The following ELAVL1 variants were observed in gnomAD, a reference collection of about 807,000 sequenced individuals.
The protein encoded by ELAVL1 is ELAV like RNA binding protein 1, also known as ELAV-like protein 1.
In ELAVL1, 1 loss-of-function variant was observed where a neutral mutation model predicts 28.4. That is an observed-to-expected ratio of 0.04 (90% CI 0.01 to 0.17). The LOEUF (loss-of-function observed/expected upper bound fraction) is 0.17, where lower values mean the gene tolerates loss of function less well. ELAVL1 is among the 10% of genes least tolerant of loss of function. The pLI is 1.00. For missense variants in ELAVL1, 157 were observed against 447.2 expected (o/e 0.35, Z 5.85); for synonymous variants, 174 against 183.5 (o/e 0.95, Z 0.42).
intron 3 of ELAVL1, among the ~76,000 whole-genome samples, chr19:7,974,427 A>C (rs974683537): frequency 6.6e-6 from 1 of 152,238 alleles, no homozygotes; most frequent in African/African-American, 2.4e-5. Flanking sequence ...TATTTTGCAA[A>C]ATCAAAGAAA....
intron 4 of ELAVL1, among the ~76,000 whole-genome samples, chr19:7,969,768 G>A (rs1372847800): frequency 6.6e-6 from 1 of 152,110 alleles, no homozygotes; most frequent in Non-Finnish European, 1.5e-5. Flanking sequence ...GAAGGCACGT[G>A]TGCAAGTGTG....
rs1389031765 is a variant in ELAVL1, at chr19:7,959,790, CCT to C, written c.*3691_*3692del. 3.9e-5 allele frequency: 6 copies of C among 152,176 alleles called. No individual in the cohort carries two copies. In the East Asian group the frequency reaches 7.7e-4, roughly 20 times the overall value. The allele number at this position is 152,176 out of a possible 1,614,324, so 9.4% of individuals were successfully genotyped here. On this transcript the variant is annotated 3_prime_UTR_variant, in exon 6 of 6. Transcript: ENST00000407627. ...CTTGCGAAGTTTGGGGACAGGAACC[CCT>C]GACCCCCAGAGTCAGCTAAACCCCA...
intron 2 of ELAVL1, among the ~76,000 whole-genome samples, chr19:7,983,135 C>G (rs1201970904): frequency 1.3e-5 from 2 of 152,192 alleles, no homozygotes; most frequent in Admixed American, 1.3e-4. Context: ...ATGGGGCGCT[C>G]TCTTTCCTAA....
intron 1 of ELAVL1, among the ~76,000 whole-genome samples, chr19:7,992,831 G>A (rs920961475): frequency 6.6e-6 from 1 of 152,168 alleles, no homozygotes; most frequent in African/African-American, 2.4e-5. Context: ...GGGTGTGGCG[G>A]CGCCATCACA....
intron 1 of ELAVL1, among the ~76,000 whole-genome samples, chr19:8,001,626 TA>T (rs1218181799): frequency 1.4e-5 from 2 of 145,244 alleles, no homozygotes; most frequent in Non-Finnish European, 3.1e-5. Context: ...GTCTCACTCT[TA>T]AAAAAAATTT....
rs1985477504 is a variant in ELAVL1 at position 7,981,992 on chromosome 19, G to C, written c.173-806C>G. The stretch of plus-strand genomic sequence containing the variant: ...CCGCTGTGGGGCAGAAGAGTCCAGG[G>C]AGAGGCCAGGGGCTGAGAATCCCCA... On this transcript the variant is annotated intron_variant, in intron 2 of 5. Coordinates refer to ENST00000407627, the MANE Select transcript of ELAVL1 (RefSeq NM_001419.3). The surrounding 1 kb of genome is among the most constrained non-coding windows in gnomAD (Gnocchi z 4.2). Among the ~76,000 whole-genome samples the C allele has an allele frequency of 6.6e-6, 1 of 152,210 alleles. No homozygotes were observed. The highest frequency in any genetic ancestry group is 6.5e-5 in the Admixed American group (1 of 15,288).
chr19:7,973,534 C>G (rs1985184183), intron 4 of ELAVL1, 191 bp downstream of exon 4: 2 of 713,872 alleles, frequency 2.8e-6, no homozygotes, highest in African/African-American at 1.8e-5. Flanking sequence ...CCAGATATCC[C>G]CAGCTTCTTT....
At chr19:7,976,131 A>C (rs993909581) in intron 3 of ELAVL1, among the ~76,000 whole-genome samples, 2 of 150,670 alleles carry the variant, frequency 1.3e-5, no homozygotes, top group African/African-American at 4.9e-5. Context: ...GGCTGGGCGC[A>C]GTGGCTCATG....
chr19:7,980,929 G>A (rs1158916929), intron 3 of ELAVL1, among the ~76,000 whole-genome samples, 154 bp downstream of exon 3: 1 of 152,146 alleles, frequency 6.6e-6, no homozygotes, highest in Non-Finnish European at 1.5e-5. Flanking sequence ...TGTAAGGCCT[G>A]GGTCAGATAC....
At chr19:7,991,897 G>T in intron 1 of ELAVL1, 66 bp from the exon 2 acceptor site, 7 of 1,174,316 alleles carry the variant, frequency 6.0e-6, no homozygotes, top group Non-Finnish European at 8.1e-6. Flanking sequence ...GGCAAAACTA[G>T]TAACTGCATT....
At position 7,963,898 on chromosome 19, in the gene ELAVL1, G is replaced by A; in HGVS notation, c.657-91C>T. ...TGGACGCATGCTGACCATGGCCGCT[G>A]GGCCCCATCCCGCTCTGCGCAGCCA... On this transcript the variant is annotated intron_variant, in intron 5 of 5. Transcript: ENST00000407627. This position sits in a 1 kb window ranked among gnomAD's most constrained non-coding sequence, Gnocchi z 4.5. 1 of 1,419,632 alleles carries A rather than the reference G, an allele frequency of 7.0e-7. No individual in the cohort carries two copies. The highest frequency in any genetic ancestry group is 9.5e-7 in the Non-Finnish European group (1 of 1,054,382). 87.9% of individuals were successfully genotyped at this position (1,419,632 alleles called of 1,614,324 possible).
At chr19:7,964,022 T>C (rs1327164992) in intron 5 of ELAVL1, among the ~76,000 whole-genome samples, 1 of 152,186 alleles carries the variant, frequency 6.6e-6, no homozygotes, top group Non-Finnish European at 1.5e-5. Flanking sequence ...GGGAGCTGAC[T>C]CTGAGGGGCT....
At chr19:7,973,626 CTAA>C (rs1237517042) in intron 4 of ELAVL1, 96 bp downstream of exon 4, 3 of 1,444,848 alleles carry the variant, frequency 2.1e-6, no homozygotes, top group African/African-American at 1.4e-5. Context: ...TGCGGAATAA[CTAA>C]TGACATTTAA....
At chr19:7,989,798 G>A (rs960762839) in intron 2 of ELAVL1, among the ~76,000 whole-genome samples, 1 of 152,226 alleles carries the variant, frequency 6.6e-6, no homozygotes, top group South Asian at 2.1e-4. Context: ...TATTAAATCA[G>A]ACTCTTGGAG....
chr19:7,988,402 A>G (rs1300935526), intron 2 of ELAVL1, among the ~76,000 whole-genome samples: 1 of 152,190 alleles, frequency 6.6e-6, no homozygotes, highest in Non-Finnish European at 1.5e-5. Flanking sequence ...GGAGAATGAC[A>G]TAACCCTCTG....
intron 3 of ELAVL1, 141 bp from the exon 4 acceptor site, chr19:7,974,019 C>T (rs1044772472): frequency 1.4e-5 from 16 of 1,110,292 alleles, no homozygotes; most frequent in Middle Eastern, 2.1e-4. Context: ...TGACGCTCAC[C>T]GCCTGCAGCC....
rs765592146 is a variant in ELAVL1, at chr19:7,963,666, C to T, written c.798G>A (p.Pro266=). The T allele has an allele frequency of 1.1e-5, 17 of 1,614,134 alleles. No individual in the cohort carries two copies. Among genetic ancestry groups the T allele is most frequent in the East Asian group, 2.2e-5 (1 of 44,906 alleles). ...DEGILWQMFG[P]FGAVTNVKVI... ...CTTTCACATTGGTGACGGCACCAAA[C>T]GGCCCAAACATCTGCCAGAGGATCC... The change falls in exon 6 of 6, where the codon CCG becomes CCA. Residue 266 remains proline, a synonymous_variant. Coordinates refer to ENST00000407627, the MANE Select transcript of ELAVL1 (RefSeq NM_001419.3). The surrounding 1 kb of genome is among the most constrained non-coding windows in gnomAD (Gnocchi z 4.5).
chr19:7,978,738 G>A (rs1985371761), intron 3 of ELAVL1, among the ~76,000 whole-genome samples: 1 of 152,206 alleles, frequency 6.6e-6, no homozygotes, highest in Admixed American at 6.5e-5. Context: ...CAAAAGTGCA[G>A]GGGCCTGGGG....
chr19:7,982,307 C>T lies in ELAVL1; in HGVS notation c.173-1121G>A, dbSNP rs1461141812. ...TCCATGCACTTGCAAGGCTGCTGAA[C>T]ATCTGCTGTGGGCCTGAGCCTCACC... is the stretch of plus-strand genomic sequence containing the variant. On this transcript the variant is annotated intron_variant, in intron 2 of 5. Coordinates refer to ENST00000407627, the MANE Select transcript of ELAVL1 (RefSeq NM_001419.3). The surrounding 1 kb of genome is among the most constrained non-coding windows in gnomAD (Gnocchi z 4.3). 1.4e-4 allele frequency among the ~76,000 whole-genome samples: 22 copies of T among 152,154 alleles called. No homozygotes were observed. Among genetic ancestry groups the T allele is most frequent in the Non-Finnish European group, 2.2e-4 (15 of 68,012 alleles).
Sources: gnomAD v4.1 joint callset for allele counts (sites outside exome capture counted in the v4.1 genomes callset) on GRCh38, gnomAD v4.1.1 for gene constraint, Gnocchi (gnomAD v3.1) non-coding constraint, MANE v1.5 for transcripts, NCBI Gene and HGNC (gene_info 2026-07-23, HGNC 2026-07-21) for gene names.